The following DUSP14 variants were observed in gnomAD, a reference collection of about 807,000 sequenced individuals.
The protein encoded by DUSP14 is dual specificity phosphatase 14, also known as dual specificity protein phosphatase 14.
DUSP14 carries 5 observed loss-of-function variants against 13.2 expected under a neutral mutation model. The observed-to-expected ratio is 0.38, with a 90% confidence interval of 0.20 to 0.80. DUSP14 has a LOEUF of 0.80. Ranked by LOEUF, DUSP14 falls within the 30% of genes least tolerant of loss-of-function variation. The pLI, the probability that DUSP14 is intolerant of heterozygous loss-of-function variation, is 0.44. For synonymous variants in DUSP14, 91 were observed against 103.4 expected, an observed-to-expected ratio of 0.88 and a Z score of 0.73; for missense variants, 185 against 264.0, an observed-to-expected ratio of 0.70 and a Z score of 2.07.
At chr17:37,499,255 A>T (rs2054089344) in intron 1 of DUSP14, among the ~76,000 whole-genome samples, 1 of 152,228 alleles carries the variant, frequency 6.6e-6, no homozygotes, top group South Asian at 2.1e-4. Context: ...CGTGGGGATT[A>T]TGGGAATTAC....
intron 1 of DUSP14, among the ~76,000 whole-genome samples, chr17:37,504,393 T>A (rs1262581055): frequency 6.6e-6 from 1 of 152,196 alleles, no homozygotes; most frequent in Non-Finnish European, 1.5e-5. Context: ...TTTATGTATC[T>A]TATGTGTATT....
At chr17:37,511,511 C>T (rs1277506655) in intron 2 of DUSP14, among the ~76,000 whole-genome samples, 2 of 150,942 alleles carry the variant, frequency 1.3e-5, no homozygotes, top group Non-Finnish European at 2.9e-5. Flanking sequence ...GAACTCCTGA[C>T]CTCAGGTGAT....
At chr17:37,508,753 G>A (rs951774847) in intron 1 of DUSP14, among the ~76,000 whole-genome samples, 10 of 136,224 alleles carry the variant, frequency 7.3e-5, no homozygotes, top group Non-Finnish European at 9.5e-5. Context: ...ATATATATAT[G>A]TATGTATAAA....
At chr17:37,491,954 T>C (rs1444590319) in intron 1 of DUSP14, among the ~76,000 whole-genome samples, 1 of 152,248 alleles carries the variant, frequency 6.6e-6, no homozygotes, top group Non-Finnish European at 1.5e-5. Flanking sequence ...TGTATATCTT[T>C]TTAGACTTTT....
chr17:37,494,829 G>C (rs1157344248), intron 1 of DUSP14, among the ~76,000 whole-genome samples: 2 of 152,194 alleles, frequency 1.3e-5, no homozygotes, highest in African/African-American at 4.8e-5. Flanking sequence ...AAGAACACTA[G>C]CACAAAGACT....
chr17:37,507,719 G>A (rs374237570), intron 1 of DUSP14, among the ~76,000 whole-genome samples: 6 of 152,234 alleles, frequency 3.9e-5, no homozygotes, highest in African/African-American at 7.2e-5. Context: ...GATTATAGGC[G>A]TAAGCCACCG....
At chr17:37,503,190 C>T (rs1003240695) in intron 1 of DUSP14, among the ~76,000 whole-genome samples, 7 of 152,038 alleles carry the variant, frequency 4.6e-5, no homozygotes, top group African/African-American at 9.7e-5. Context: ...TTTGGGAGGC[C>T]GAGGTAGGTA....
At chr17:37,495,180 C>T (rs961874956) in intron 1 of DUSP14, among the ~76,000 whole-genome samples, 1 of 152,168 alleles carries the variant, frequency 6.6e-6, no homozygotes, top group Admixed American at 6.5e-5. Context: ...CCACCTGTTG[C>T]AGGGCAGGGG....
At chr17:37,505,080 CAG>C (rs1471856421) in intron 1 of DUSP14, among the ~76,000 whole-genome samples, 6 of 152,098 alleles carry the variant, frequency 3.9e-5, no homozygotes, top group Non-Finnish European at 7.4e-5. Context: ...TTAGTAGAGA[CAG>C]GGTTTCACCA....
intron 1 of DUSP14, among the ~76,000 whole-genome samples, chr17:37,505,666 G>C (rs1374101242): frequency 7.6e-6 from 1 of 130,762 alleles, no homozygotes; most frequent in Non-Finnish European, 1.6e-5. Flanking sequence ...TTAAAGAAAA[G>C]TAACCTCCGT....
chr17:37,493,224 A>G (rs2054041035), intron 1 of DUSP14, among the ~76,000 whole-genome samples: 1 of 152,140 alleles, frequency 6.6e-6, no homozygotes, highest in Non-Finnish European at 1.5e-5. Flanking sequence ...GGGCCTCCCA[A>G]AGTGCTGGGA....
intron 1 of DUSP14, among the ~76,000 whole-genome samples, chr17:37,509,243 CTATATATATATATATATATATA>C (rs71135736): frequency 0.012 from 515 of 44,782 alleles, 18 homozygotes; most frequent in African/African-American, 0.034. Context: ...TATATACACA[CTATATATATATATATATATATA>C]TATATATATA....
intron 1 of DUSP14, among the ~76,000 whole-genome samples, chr17:37,498,314 C>CTTTTTTTTTTTTTTT (rs765033929): frequency 4.3e-5 from 3 of 70,578 alleles, no homozygotes; most frequent in African/African-American, 1.8e-4. Flanking sequence ...TAGATTGTAT[C>CTTTTTTTTTTTTTTT]TTTTTTTTTT....
upstream of DUSP14, chr17:37,489,834 G>A (rs1221500218): frequency 6.8e-6 from 1 of 146,924 alleles, no homozygotes; most frequent in Non-Finnish European, 1.5e-5. Context: ...GCGTGCGCGC[G>A]GCCCGCCCCG....
intron 1 of DUSP14, among the ~76,000 whole-genome samples, chr17:37,490,340 C>G (rs1346609975): frequency 6.6e-6 from 1 of 152,208 alleles, no homozygotes; most frequent in Non-Finnish European, 1.5e-5. Context: ...TGGCATCCAC[C>G]CGCTCTGGAG....
intron 1 of DUSP14, among the ~76,000 whole-genome samples, chr17:37,507,394 G>T (rs139825382): frequency 5.9e-5 from 9 of 152,316 alleles, no homozygotes; most frequent in Admixed American, 2.0e-4. Context: ...CGAGTTAACG[G>T]AATCAGCCCG....
chr17:37,503,326 T>C (rs2143091260), intron 1 of DUSP14, among the ~76,000 whole-genome samples: 1 of 152,262 alleles, frequency 6.6e-6, no homozygotes, highest in Middle Eastern at 3.4e-3. Flanking sequence ...GTGAGGAGGC[T>C]GAGGTGGGAG....
chr17:37,498,478 C>T (rs980826070), intron 1 of DUSP14, among the ~76,000 whole-genome samples: 6 of 151,942 alleles, frequency 3.9e-5, no homozygotes, highest in Admixed American at 3.3e-4. Context: ...AGGTGCCCGC[C>T]ACCACACCTG....
chr17:37,504,189 A>G (rs908310248), intron 1 of DUSP14, among the ~76,000 whole-genome samples: 2 of 152,108 alleles, frequency 1.3e-5, no homozygotes, highest in African/African-American at 4.8e-5. Flanking sequence ...GCAAGACACC[A>G]TCTCAAACAA....
Sources: allele counts gnomAD v4.1 joint callset (sites outside exome capture counted in the v4.1 genomes callset), GRCh38; gene constraint gnomAD v4.1.1; transcripts MANE v1.5; gene names NCBI Gene and HGNC (gene_info 2026-07-23, HGNC 2026-07-21).